The following ANO2 variants were observed in gnomAD, a reference collection of about 807,000 sequenced individuals.
ANO2 encodes anoctamin 2.
A neutral mutation model predicts 124.2 loss-of-function variants in ANO2; 101 were observed. That is an observed-to-expected ratio of 0.81 (90% CI 0.69 to 0.96). The LOEUF is 0.96. Ranked by LOEUF, ANO2 falls within the 40% of genes least tolerant of loss-of-function variation. The probability of loss-of-function intolerance (pLI) is 0.00; values close to 1 mark genes in which losing one functional copy is unlikely to be tolerated. For missense variants in ANO2, 1,293 were observed against 1,274.5 expected (o/e 1.01, Z -0.22); for synonymous variants, 486 against 482.5 (o/e 1.01, Z -0.09).
At chr12:5,874,673 C>T (rs1468546750) in intron 3 of ANO2, among the ~76,000 whole-genome samples, 1 of 152,228 alleles carries the variant, frequency 6.6e-6, no homozygotes, top group East Asian at 1.9e-4. Context: ...AATCAGAAAC[C>T]TCACACATGT....
At chr12:5,590,813 T>C (rs1447832188) in intron 20 of ANO2, among the ~76,000 whole-genome samples, 3 of 152,156 alleles carry the variant, frequency 2.0e-5, no homozygotes, top group Non-Finnish European at 2.9e-5. Context: ...TGTGTGCCCA[T>C]ATGGGGGCCA....
intron 4 of ANO2, among the ~76,000 whole-genome samples, chr12:5,852,615 T>C (rs1329435600): frequency 6.6e-6 from 1 of 151,960 alleles, no homozygotes; most frequent in Non-Finnish European, 1.5e-5. Flanking sequence ...CTGTTGGTAG[T>C]GAAAATGGTG....
At chr12:5,743,248 A>G (rs1951161116) in intron 12 of ANO2, among the ~76,000 whole-genome samples, 1 of 152,020 alleles carries the variant, frequency 6.6e-6, no homozygotes, top group African/African-American at 2.4e-5. Context: ...TCAGTGATAA[A>G]TCAAACAGCC....
At chr12:5,857,775 T>TAGAC (rs58539768) in intron 3 of ANO2, among the ~76,000 whole-genome samples, 1,328 of 55,090 alleles carry the variant, frequency 0.024, 12 homozygotes, top group African/African-American at 0.11. Flanking sequence ...AGAAATGTGA[T>TAGAC]AGATAGATAG....
chr12:5,816,927 T>C (rs1953629457), intron 7 of ANO2, among the ~76,000 whole-genome samples: 1 of 152,224 alleles, frequency 6.6e-6, no homozygotes, highest in South Asian at 2.1e-4. Context: ...CCTCCGTTTC[T>C]CTAACATCAT....
chr12:5,800,823 C>T (rs975305575), intron 9 of ANO2, among the ~76,000 whole-genome samples: 2 of 152,032 alleles, frequency 1.3e-5, no homozygotes, highest in Admixed American at 6.5e-5. Context: ...CCAGTACATT[C>T]GAGAGTTATT....
chr12:5,895,747 A>G (rs1225180740), intron 3 of ANO2, among the ~76,000 whole-genome samples: 5 of 152,154 alleles, frequency 3.3e-5, no homozygotes, highest in Non-Finnish European at 7.4e-5. Context: ...AACTAAAAGT[A>G]GAACTACCAT....
At chr12:5,773,122 A>G (rs1487051387) in intron 10 of ANO2, among the ~76,000 whole-genome samples, 1 of 152,222 alleles carries the variant, frequency 6.6e-6, no homozygotes, top group Non-Finnish European at 1.5e-5. Context: ...CTTCTGTCAG[A>G]GCTTTTCTCC....
intron 3 of ANO2, among the ~76,000 whole-genome samples, chr12:5,859,764 A>G (rs907206765): frequency 6.6e-6 from 1 of 151,988 alleles, no homozygotes; most frequent in African/African-American, 2.4e-5. Flanking sequence ...AAACTCTTGA[A>G]CTCAAGCGAT....
intron 20 of ANO2, among the ~76,000 whole-genome samples, chr12:5,588,608 C>G (rs1036774462): frequency 6.6e-6 from 1 of 152,184 alleles, no homozygotes; most frequent in African/African-American, 2.4e-5. Context: ...ACTTATTATT[C>G]CTGTCAAGAC....
At chr12:5,759,976 T>C (rs1401842872) in intron 10 of ANO2, among the ~76,000 whole-genome samples, 1 of 152,090 alleles carries the variant, frequency 6.6e-6, no homozygotes, top group East Asian at 1.9e-4. Context: ...CACAATGAAA[T>C]AGAGAGTACC....
intron 1 of ANO2, among the ~76,000 whole-genome samples, chr12:5,923,750 C>T (rs1412812347): frequency 6.6e-6 from 1 of 152,184 alleles, no homozygotes; most frequent in Non-Finnish European, 1.5e-5. Flanking sequence ...AGTAGATAGT[C>T]CAGCTGCACT....
At chr12:5,938,819 CTGTCTCAAAAA>C (rs908012666) in intron 1 of ANO2, among the ~76,000 whole-genome samples, 3 of 150,414 alleles carry the variant, frequency 2.0e-5, no homozygotes, top group African/African-American at 7.4e-5. Flanking sequence ...GAGCAAAACT[CTGTCTCAAAAA>C]GAAAAAAACA....
In ANO2 at chr12:5,575,903, T is replaced by C. The variant is rs763260043; in HGVS notation, c.2552A>G (p.Asn851Ser). 3.7e-6 allele frequency: 6 copies of C among 1,613,618 alleles called. No individual in the cohort carries two copies. The highest frequency in any genetic ancestry group is 2.7e-5 in the African/African-American group (2 of 74,898). The change falls in exon 23 of 25, where the codon AAC becomes AGC. Residue 851 changes from asparagine (N) to serine (S), a missense_variant. Asn to Ser is a conservative substitution (Grantham distance 46, BLOSUM62 1). Transcript: ENST00000682330. ...GFVNHTLSFF[N>S]VSQLKEGTQP... ...CGTCCCCTCCTTCAGCTGGCTGACG[T>C]TGAAAAAGGAGAGGGTGTGGTTGAC... is the stretch of plus-strand genomic sequence containing the variant.
intron 7 of ANO2, among the ~76,000 whole-genome samples, chr12:5,819,648 C>T (rs1953721424): frequency 6.6e-6 from 1 of 152,200 alleles, no homozygotes; most frequent in South Asian, 2.1e-4. Context: ...TTTAGACCTA[C>T]TCATCCTAGT....
At chr12:5,922,891 G>C in intron 1 of ANO2, 87 bp from the exon 2 acceptor site, 1 of 1,322,052 alleles carries the variant, frequency 7.6e-7, no homozygotes, top group African/African-American at 1.5e-5. Context: ...TCAGACACTA[G>C]CCCTGAGAAA....
At chr12:5,877,452 CT>C (rs1281549453) in intron 3 of ANO2, among the ~76,000 whole-genome samples, 1 of 152,126 alleles carries the variant, frequency 6.6e-6, no homozygotes, top group Non-Finnish European at 1.5e-5. Flanking sequence ...GAGTTAGCAA[CT>C]TAGAAATATG....
At chr12:5,743,081 A>G (rs1050789172) in intron 12 of ANO2, among the ~76,000 whole-genome samples, 5 of 151,802 alleles carry the variant, frequency 3.3e-5, no homozygotes, top group Non-Finnish European at 7.4e-5. Flanking sequence ...TTCTGTCTCC[A>G]CCCAAGTGAA....
At chr12:5,814,948 G>C (rs1565690989) in intron 7 of ANO2, among the ~76,000 whole-genome samples, 3 of 152,310 alleles carry the variant, frequency 2.0e-5, no homozygotes, top group East Asian at 1.9e-4. Flanking sequence ...AAGCTACTTT[G>C]CTGGCAGTTT....
Sources: gnomAD v4.1 joint callset for allele counts (sites outside exome capture counted in the v4.1 genomes callset) on GRCh38, gnomAD v4.1.1 for gene constraint, MANE v1.5 for transcripts, NCBI Gene and HGNC (gene_info 2026-07-23, HGNC 2026-07-21) for gene names.